OR6N1: variants seen among roughly 807,000 people sequenced by gnomAD.
The protein encoded by OR6N1 is olfactory receptor 6N1.
For missense variants in OR6N1, 394 were observed against 371.7 expected, an observed-to-expected ratio of 1.06 and a Z score of -0.49; for synonymous variants, 170 against 150.7, an observed-to-expected ratio of 1.13 and a Z score of -0.94.
chr1:158,787,670 C>A, the OR6N1 span, among the ~76,000 whole-genome samples: 12 of 147,518 alleles, frequency 8.1e-5, no homozygotes, highest in African/African-American at 3.1e-4. Flanking sequence ...CACACACACA[C>A]ATACACAAAT....
At chr1:158,786,307 T>C in the OR6N1 span, among the ~76,000 whole-genome samples, 1 of 152,062 alleles carries the variant, frequency 6.6e-6, no homozygotes, top group Non-Finnish European at 1.5e-5. Flanking sequence ...ACCACCTTAC[T>C]CCTGCAAGAA....
the OR6N1 span, among the ~76,000 whole-genome samples, chr1:158,824,004 T>G: frequency 6.6e-6 from 1 of 152,142 alleles, no homozygotes; most frequent in Admixed American, 6.6e-5. Context: ...TTAACTTCCA[T>G]GTAATTGTAT....
At chr1:158,800,305 G>A in the OR6N1 span, among the ~76,000 whole-genome samples, 23 of 151,874 alleles carry the variant, frequency 1.5e-4, no homozygotes, top group African/African-American at 5.6e-4. Flanking sequence ...ATACCACAAA[G>A]GAAAAGTTGC....
chr1:158,765,984 G>T lies in OR6N1; in HGVS notation c.699C>A (p.Gly233=). ...CTVLRIPSAA[G]KRKAISTCAS... is the part of the protein sequence containing the mutation. ...CACACGTGGAGATGGCCTTCCTCTT[G>T]CCGGCAGCTGAGGGAATTCTGAGCA... The change falls in exon 2 of 2, where the codon GGC becomes GGA. Residue 233 remains glycine, a synonymous_variant. Coordinates refer to ENST00000641846, the MANE Select transcript of OR6N1 (RefSeq NM_001005185.2). 1 of 1,614,172 alleles carries T rather than the reference G, an allele frequency of 6.2e-7. No individual in the cohort carries two copies. The highest frequency in any genetic ancestry group is 8.5e-7 in the Non-Finnish European group (1 of 1,180,004).
At chr1:158,801,804 T>A in the OR6N1 span, among the ~76,000 whole-genome samples, 2 of 152,180 alleles carry the variant, frequency 1.3e-5, no homozygotes, top group African/African-American at 4.8e-5. Flanking sequence ...ATAGTCCTTA[T>A]CTGGGAAAGA....
chr1:158,820,824 G>A, the OR6N1 span, among the ~76,000 whole-genome samples: 3 of 152,092 alleles, frequency 2.0e-5, no homozygotes, highest in Non-Finnish European at 2.9e-5. Context: ...AGGAGACCTC[G>A]GTGCTGTTTT....
At chr1:158,791,248 T>A in the OR6N1 span, among the ~76,000 whole-genome samples, 1 of 152,202 alleles carries the variant, frequency 6.6e-6, no homozygotes, top group African/African-American at 2.4e-5. Context: ...GCTATAAACA[T>A]CGCTTTTAGC....
At position 158,765,376 on chromosome 1, in the gene OR6N1, A is replaced by G. The variant is rs566245656; in HGVS notation, c.*368T>C. 30 of 167,078 alleles carry G rather than the reference A, an allele frequency of 1.8e-4. No homozygotes were observed. The highest frequency in any genetic ancestry group is 3.2e-4 in the Non-Finnish European group (25 of 77,222). The allele number at this position is 167,078 out of a possible 1,614,324, so 10.3% of individuals were successfully genotyped here. On this transcript the variant is annotated 3_prime_UTR_variant, in exon 2 of 2. Coordinates refer to ENST00000641846, the MANE Select transcript of OR6N1 (RefSeq NM_001005185.2). Reference sequence around the variant, plus strand: ...AAACATCATGAATCACATTTTGTTTAGGACATGCCTGACTATATTTATATT... The same window carrying G: ...AAACATCATGAATCACATTTTGTTTGGGACATGCCTGACTATATTTATATT...
At chr1:158,809,713 A>G in the OR6N1 span, among the ~76,000 whole-genome samples, 28 of 152,274 alleles carry the variant, frequency 1.8e-4, no homozygotes, top group African/African-American at 6.7e-4. Flanking sequence ...GAAGGGAGAA[A>G]AGTCACCTCC....
chr1:158,787,647 A>T, the OR6N1 span, among the ~76,000 whole-genome samples: 5 of 144,064 alleles, frequency 3.5e-5, no homozygotes, highest in East Asian at 6.4e-4. Context: ...ACACACACAC[A>T]CACACACACA....
At chr1:158,776,829 G>C (rs1657608976), upstream of OR6N1, 1 of 1,613,994 alleles carries the variant, frequency 6.2e-7, no homozygotes, top group Non-Finnish European at 8.5e-7. Context: ...TTCGGTCAAG[G>C]GTCAGGGAAT....
At chr1:158,776,947 G>A (rs1166156627), upstream of OR6N1, 7 of 1,613,964 alleles carry the variant, frequency 4.3e-6, no homozygotes, top group Admixed American at 8.3e-5. Flanking sequence ...TCCTGATGCT[G>A]TTTTTATCTT....
rs2102004534 is a variant in OR6N1, at chr1:158,764,455, C to G, written c.*1289G>C. On this transcript the variant is annotated 3_prime_UTR_variant, in exon 2 of 2. Transcript: ENST00000641846. ...GACCTGGACATATATATGTCTTGTT[C>G]ATTGCTTTTGTAGAGTTGACACTGC... 6.6e-6 allele frequency: 1 copy of G among 151,872 alleles called. No homozygotes were observed. Among genetic ancestry groups the G allele is most frequent in the East Asian group, 1.9e-4 (1 of 5,180 alleles). 9.4% of individuals were successfully genotyped at this position (151,872 alleles called of 1,614,324 possible).
At chr1:158,823,310 C>A in the OR6N1 span, among the ~76,000 whole-genome samples, 1 of 152,068 alleles carries the variant, frequency 6.6e-6, no homozygotes, top group Non-Finnish European at 1.5e-5. Context: ...ATATATCTGG[C>A]AGAATTGAGC....
upstream of OR6N1, among the ~76,000 whole-genome samples, chr1:158,772,831 G>C (rs374950102): frequency 2.6e-5 from 4 of 152,248 alleles, no homozygotes; most frequent in South Asian, 4.1e-4. Context: ...CAGAAGGGTG[G>C]ATTTTGAATA....
chr1:158,814,660 C>G, the OR6N1 span, among the ~76,000 whole-genome samples: 2 of 152,094 alleles, frequency 1.3e-5, no homozygotes, highest in Admixed American at 1.3e-4. Context: ...TCCTTTCTAA[C>G]GGCACTAATC....
At chr1:158,808,805 C>A in the OR6N1 span, 1 of 152,380 alleles carries the variant, frequency 6.6e-6, no homozygotes, top group African/African-American at 2.4e-5. Context: ...TGCCAAGTCA[C>A]AAAAGTAATG....
chr1:158,803,473 T>C, the OR6N1 span, among the ~76,000 whole-genome samples: 1 of 152,354 alleles, frequency 6.6e-6, no homozygotes, highest in East Asian at 1.9e-4. Context: ...ATATATAGAT[T>C]AGCCATCTAT....
the OR6N1 span, among the ~76,000 whole-genome samples, chr1:158,816,345 TG>T: frequency 6.6e-6 from 1 of 152,006 alleles, no homozygotes; most frequent in Non-Finnish European, 1.5e-5. Flanking sequence ...TAGAGAACTG[TG>T]GAGATCATAA....
Sources: allele counts gnomAD v4.1 joint callset (sites outside exome capture counted in the v4.1 genomes callset), GRCh38; gene constraint gnomAD v4.1.1; transcripts MANE v1.5; gene names NCBI Gene and HGNC (gene_info 2026-07-23, HGNC 2026-07-21).